NTM: variants seen among roughly 807,000 people sequenced by gnomAD.
NTM encodes IgLON family member 2.
In NTM, 13 loss-of-function variants were observed where a neutral mutation model predicts 42.1. The ratio of observed to expected loss-of-function variants is 0.31; its 90% CI spans 0.20 to 0.49. The LOEUF is 0.49. Ranked by LOEUF, NTM falls within the 20% of genes least tolerant of loss-of-function variation. NTM has a pLI of 0.99. For synonymous variants in NTM, 187 were observed against 179.2 expected, an observed-to-expected ratio of 1.04 and a Z score of -0.35; for missense variants, 373 against 452.8, an observed-to-expected ratio of 0.82 and a Z score of 1.60.
intron 1 of NTM, among the ~76,000 whole-genome samples, chr11:131,866,057 A>C (rs565466478): frequency 2.1e-5 from 3 of 146,016 alleles, no homozygotes; most frequent in East Asian, 4.0e-4. Flanking sequence ...CACACACACT[A>C]CACACACACC....
chr11:131,448,626 G>A (rs1273044776), intron 1 of NTM, among the ~76,000 whole-genome samples: 1 of 152,250 alleles, frequency 6.6e-6, no homozygotes, highest in Non-Finnish European at 1.5e-5. Context: ...TCAGTGCAGA[G>A]CACATGGAAG....
chr11:131,986,738 T>C (rs1288400568), intron 2 of NTM, among the ~76,000 whole-genome samples: 1 of 152,192 alleles, frequency 6.6e-6, no homozygotes, highest in Non-Finnish European at 1.5e-5. Context: ...GGGCCAGAGA[T>C]TTTTACAGTT....
At chr11:131,891,249 G>A (rs2051284552) in intron 1 of NTM, among the ~76,000 whole-genome samples, 1 of 152,208 alleles carries the variant, frequency 6.6e-6, no homozygotes, top group Admixed American at 6.5e-5. Context: ...GCATTCAGAA[G>A]AGAGAGATCC....
intron 1 of NTM, among the ~76,000 whole-genome samples, chr11:131,681,032 A>T (rs1456641402): frequency 1.6e-4 from 2 of 12,748 alleles, no homozygotes; most frequent in African/African-American, 2.9e-4. Context: ...TGTGTGTGTG[A>T]GCGTGTGTGT....
intron 1 of NTM, among the ~76,000 whole-genome samples, chr11:131,386,058 T>C (rs983361319): frequency 6.6e-6 from 1 of 152,174 alleles, no homozygotes; most frequent in Non-Finnish European, 1.5e-5. Flanking sequence ...ATAGTGAAGG[T>C]AGAAACAACC....
chr11:132,276,487 A>G (rs1232751521), intron 4 of NTM, among the ~76,000 whole-genome samples: 1 of 152,170 alleles, frequency 6.6e-6, no homozygotes, highest in African/African-American at 2.4e-5. Context: ...TCCTAAATTT[A>G]TAAAAAATAC....
intron 1 of NTM, among the ~76,000 whole-genome samples, chr11:131,724,707 C>T (rs114904710): frequency 3.3e-5 from 5 of 152,250 alleles, no homozygotes; most frequent in Admixed American, 6.5e-5. Context: ...AAGAAAGGAA[C>T]GACAAGGCCC....
chr11:132,273,314 T>G (rs1169215566), intron 4 of NTM, among the ~76,000 whole-genome samples: 7 of 104,944 alleles, frequency 6.7e-5, no homozygotes, highest in African/African-American at 1.7e-4. Context: ...CTAGTGTTTT[T>G]TTTTTTTTTT....
intron 2 of NTM, among the ~76,000 whole-genome samples, chr11:132,060,538 GT>G (rs1594225764): frequency 6.6e-6 from 1 of 152,036 alleles, no homozygotes; most frequent in East Asian, 1.9e-4. Context: ...ACATTTTGCT[GT>G]TGGTAAACAC....
At chr11:131,457,932 C>T (rs921933248) in intron 1 of NTM, among the ~76,000 whole-genome samples, 1 of 152,142 alleles carries the variant, frequency 6.6e-6, no homozygotes, top group Non-Finnish European at 1.5e-5. Context: ...GCCAGACATG[C>T]TGACACCATC....
intron 4 of NTM, among the ~76,000 whole-genome samples, chr11:132,243,882 C>T (rs1455573357): frequency 4.6e-5 from 7 of 152,174 alleles, no homozygotes; most frequent in Non-Finnish European, 7.3e-5. Context: ...CCTGAGCCCT[C>T]ACAGGCCCAG....
chr11:132,001,757 T>G (rs1168344682), intron 2 of NTM, among the ~76,000 whole-genome samples: 1 of 148,760 alleles, frequency 6.7e-6, no homozygotes, highest in Non-Finnish European at 1.5e-5. Flanking sequence ...AACTATATCA[T>G]GCATATACAC....
intron 1 of NTM, among the ~76,000 whole-genome samples, chr11:131,445,784 AT>A (rs1251710539): frequency 1.3e-5 from 2 of 151,990 alleles, no homozygotes; most frequent in African/African-American, 4.8e-5. Flanking sequence ...GAGCCCAATT[AT>A]TTTTTTCTTT....
In NTM at chr11:131,750,045, C is replaced by G. The variant is rs112110143; in HGVS notation, c.83-161519C>G. ...GCAAGCTGGGCATGCTGTCTGGGAA[C>G]CCTGTGAGCCTTGGGTTTCCCCTGA... On this transcript the variant is annotated intron_variant, in intron 1 of 8. Coordinates refer to ENST00000683400, the MANE Select transcript of NTM (RefSeq NM_001352005.2). 4.3e-3 allele frequency among the ~76,000 whole-genome samples: 660 copies of G among 152,272 alleles called. 7 individuals are homozygous for G. The highest frequency in any genetic ancestry group is 0.015 in the African/African-American group (625 of 41,546).
intron 1 of NTM, among the ~76,000 whole-genome samples, chr11:131,759,825 C>A (rs1437595137): frequency 1.3e-5 from 2 of 151,948 alleles, no homozygotes; most frequent in Admixed American, 1.3e-4. Flanking sequence ...ATCTTGATCC[C>A]AAATGGATTT....
rs577658544 is a variant in NTM, at chr11:132,231,617, ATT to A, written c.526+19473_526+19474del. Among the ~76,000 whole-genome samples the A allele has an allele frequency of 3.6e-3, 550 of 152,316 alleles. 3 individuals carry two copies. Among genetic ancestry groups the A allele is most frequent in the Non-Finnish European group, 6.1e-3 (416 of 68,018 alleles). ...ATTCTTATTTCTATTCTAAAAGGGC[ATT>A]TTATTCAAAATGTGATGGTCCAGTC... On this transcript the variant is annotated intron_variant, in intron 4 of 8. Coordinates refer to ENST00000683400, the MANE Select transcript of NTM (RefSeq NM_001352005.2).
rs79567267 is a variant in NTM at position 132,197,262 on chromosome 11, G to A, written c.401-14760G>A. Among the ~76,000 whole-genome samples the A allele has an allele frequency of 1.3e-3, 205 of 152,226 alleles. 1 individual carries two copies. The East Asian group carries it at 0.028, about 21-fold the overall frequency. ...TGCTGAAAGATTAAATTATATTGAG[G>A]ACAGGGAATTGGGCATTAGATTTGG... On this transcript the variant is annotated intron_variant, in intron 3 of 8. Coordinates refer to ENST00000683400, the MANE Select transcript of NTM (RefSeq NM_001352005.2).
At chr11:131,885,839 A>G (rs2050303901) in intron 1 of NTM, among the ~76,000 whole-genome samples, 1 of 152,196 alleles carries the variant, frequency 6.6e-6, no homozygotes, top group Admixed American at 6.5e-5. Flanking sequence ...TCTGCTTAGG[A>G]AGGCTGCACA....
intron 2 of NTM, among the ~76,000 whole-genome samples, chr11:132,053,272 G>A (rs1435023127): frequency 2.0e-5 from 3 of 152,162 alleles, no homozygotes; most frequent in African/African-American, 7.2e-5. Context: ...GATTTGATCC[G>A]AGGCTTACCC....
Sources: allele counts gnomAD v4.1 joint callset (sites outside exome capture counted in the v4.1 genomes callset), GRCh38; gene constraint gnomAD v4.1.1; transcripts MANE v1.5; gene names NCBI Gene and HGNC (gene_info 2026-07-23, HGNC 2026-07-21).